The following ABTB3 variants were observed in gnomAD, a reference collection of about 807,000 sequenced individuals.
ABTB3 encodes ankyrin repeat- and BTB/POZ domain-containing protein 3.
chr12:107,518,109 C>A, the ABTB3 span, among the ~76,000 whole-genome samples: 1 of 152,138 alleles, frequency 6.6e-6, no homozygotes, highest in African/African-American at 2.4e-5. Context: ...AGTGAGGAAA[C>A]AACAGGTGCT....
the ABTB3 span, among the ~76,000 whole-genome samples, chr12:107,494,217 G>A: frequency 1.3e-5 from 2 of 152,208 alleles, no homozygotes; most frequent in African/African-American, 4.8e-5. Flanking sequence ...TTGGTTGGAA[G>A]TCAAGGAGAT....
chr12:107,596,280 G>T, the ABTB3 span, among the ~76,000 whole-genome samples: 1 of 152,198 alleles, frequency 6.6e-6, no homozygotes, highest in Non-Finnish European at 1.5e-5. Context: ...TGGATGTGGG[G>T]CAACAGGGAG....
At chr12:107,615,657 G>A in the ABTB3 span, among the ~76,000 whole-genome samples, 13 of 152,338 alleles carry the variant, frequency 8.5e-5, no homozygotes, top group South Asian at 1.7e-3. Context: ...GGTCCAGGAG[G>A]TCTAGAGTAG....
the ABTB3 span, among the ~76,000 whole-genome samples, chr12:107,529,506 T>G: frequency 6.6e-6 from 1 of 152,216 alleles, no homozygotes; most frequent in Non-Finnish European, 1.5e-5. Flanking sequence ...ATACAAAGAA[T>G]AATAGTACTG....
At chr12:107,435,805 G>T in the ABTB3 span, among the ~76,000 whole-genome samples, 3 of 152,140 alleles carry the variant, frequency 2.0e-5, no homozygotes, top group Non-Finnish European at 4.4e-5. Flanking sequence ...GGAATTACAG[G>T]ACCAGAGGGC....
At chr12:107,427,872 A>C in the ABTB3 span, among the ~76,000 whole-genome samples, 2 of 152,210 alleles carry the variant, frequency 1.3e-5, no homozygotes, top group Non-Finnish European at 2.9e-5. Context: ...GTATGAGCTC[A>C]TGTGTTCCCT....
At chr12:107,496,266 C>T in the ABTB3 span, among the ~76,000 whole-genome samples, 2 of 152,162 alleles carry the variant, frequency 1.3e-5, no homozygotes, top group Admixed American at 6.5e-5. Flanking sequence ...CCAGCACTCC[C>T]ACCAGGTGTG....
chr12:107,358,242 G>A, the ABTB3 span, among the ~76,000 whole-genome samples: 1 of 152,208 alleles, frequency 6.6e-6, no homozygotes, highest in East Asian at 1.9e-4. Context: ...AGGGAATGAG[G>A]ATATATGCAT....
At chr12:107,627,951 A>C in the ABTB3 span, among the ~76,000 whole-genome samples, 1 of 152,354 alleles carries the variant, frequency 6.6e-6, no homozygotes, top group Middle Eastern at 3.4e-3. Context: ...GGGACACATC[A>C]AAGTAGATGT....
chr12:107,466,353 C>T, the ABTB3 span, among the ~76,000 whole-genome samples: 1 of 151,994 alleles, frequency 6.6e-6, no homozygotes, highest in African/African-American at 2.4e-5. Flanking sequence ...CTTGGGACAC[C>T]GTGAGGTAGG....
the ABTB3 span, among the ~76,000 whole-genome samples, chr12:107,415,711 C>CAAA: frequency 7.1e-3 from 1,058 of 148,634 alleles, 20 homozygotes; most frequent in African/African-American, 0.025. Context: ...CTGTCTCAAC[C>CAAA]AAAAAAAACA....
At chr12:107,550,322 C>A in the ABTB3 span, among the ~76,000 whole-genome samples, 3 of 152,116 alleles carry the variant, frequency 2.0e-5, no homozygotes, top group African/African-American at 7.2e-5. Flanking sequence ...CCCCTAAAGG[C>A]TGAGTGTCTC....
chr12:107,417,157 T>C, the ABTB3 span, among the ~76,000 whole-genome samples: 1 of 152,220 alleles, frequency 6.6e-6, no homozygotes, highest in East Asian at 1.9e-4. Flanking sequence ...TCCTCATTCA[T>C]TCATCCAAGC....
chr12:107,577,767 T>C, the ABTB3 span, among the ~76,000 whole-genome samples: 1,575 of 152,258 alleles, frequency 0.01, 20 homozygotes, highest in Middle Eastern at 0.017. Context: ...GCTGCAGAAT[T>C]TCCAGGGGAG....
the ABTB3 span, among the ~76,000 whole-genome samples, chr12:107,372,342 C>A: frequency 6.6e-6 from 1 of 152,138 alleles, no homozygotes; most frequent in African/African-American, 2.4e-5. Context: ...TACATTTAAG[C>A]CCATTTCCTG....
At chr12:107,430,300 AT>A in the ABTB3 span, among the ~76,000 whole-genome samples, 1 of 152,214 alleles carries the variant, frequency 6.6e-6, no homozygotes, top group African/African-American at 2.4e-5. Flanking sequence ...CATGTTGAAT[AT>A]TTTTGAACAT....
At chr12:107,634,842 T>C in the ABTB3 span, 1 of 152,358 alleles carries the variant, frequency 6.6e-6, no homozygotes, top group Non-Finnish European at 1.5e-5. Context: ...AGCGTTTGTC[T>C]CGTTAATGGA....
At chr12:107,446,669 A>C in the ABTB3 span, among the ~76,000 whole-genome samples, 21 of 152,180 alleles carry the variant, frequency 1.4e-4, no homozygotes, top group Admixed American at 7.2e-4. Context: ...CCATCCCCAG[A>C]GTGACTAATG....
chr12:107,429,903 A>G, the ABTB3 span, among the ~76,000 whole-genome samples: 161 of 152,322 alleles, frequency 1.1e-3, 1 homozygote, highest in Non-Finnish European at 1.9e-3. Context: ...TTGCAGCCTT[A>G]CCTCTTGTAA....
Sources: allele counts gnomAD v4.1 joint callset (sites outside exome capture counted in the v4.1 genomes callset), GRCh38; gene constraint gnomAD v4.1.1; transcripts MANE v1.5; gene names NCBI Gene and HGNC (gene_info 2026-07-23, HGNC 2026-07-21).